ZNF469: variants seen among roughly 807,000 people sequenced by gnomAD.
ZNF469 encodes zinc finger protein 469.
A neutral mutation model predicts 1.0 loss-of-function variants in ZNF469; 1 was observed. That is an observed-to-expected ratio of 1.00 (90% confidence interval 0.35 to 4.73). The LOEUF is 4.73. Ranked by LOEUF, ZNF469 falls within the 30% of genes most tolerant of loss-of-function variation. The probability of loss-of-function intolerance (pLI) is 0.16; values close to 1 mark genes in which losing one functional copy is unlikely to be tolerated. For missense variants in ZNF469, 6,100 were observed against 5,356.3 expected, an observed-to-expected ratio of 1.14 and a Z score of -4.33; for synonymous variants, 2,703 against 2,363.4, an observed-to-expected ratio of 1.14 and a Z score of -4.17.
chr16:88,229,965 G>A, the ZNF469 span, among the ~76,000 whole-genome samples: 1 of 152,152 alleles, frequency 6.6e-6, no homozygotes, highest in South Asian at 2.1e-4. Flanking sequence ...CACTCTGGTT[G>A]GGTCTGGGAT....
At chr16:88,343,272 G>A in the ZNF469 span, among the ~76,000 whole-genome samples, 57 of 152,322 alleles carry the variant, frequency 3.7e-4, no homozygotes, top group African/African-American at 1.3e-3. Flanking sequence ...GTATGGGGTT[G>A]TATGGGGTTA....
chr16:88,377,177 G>T, the ZNF469 span, among the ~76,000 whole-genome samples: 3 of 152,236 alleles, frequency 2.0e-5, no homozygotes, highest in East Asian at 5.8e-4. Flanking sequence ...ATGGGGCAGG[G>T]GCACAGACCG....
the ZNF469 span, among the ~76,000 whole-genome samples, chr16:88,247,308 AGTG>A: frequency 1.1e-4 from 16 of 151,782 alleles, no homozygotes; most frequent in Non-Finnish European, 1.5e-4. Flanking sequence ...TGAGTGAGTG[AGTG>A]AATGAGTGAG....
chr16:88,155,107 G>A, the ZNF469 span, among the ~76,000 whole-genome samples: 3 of 152,190 alleles, frequency 2.0e-5, no homozygotes, highest in African/African-American at 4.8e-5. Flanking sequence ...CGCATTCCAT[G>A]GGGTACAGGG....
the ZNF469 span, among the ~76,000 whole-genome samples, chr16:88,318,569 G>A: frequency 6.6e-6 from 1 of 152,246 alleles, no homozygotes; most frequent in Non-Finnish European, 1.5e-5. Flanking sequence ...GAGTGGGGTG[G>A]GGGATCAAGA....
rs1348907837 is a variant in ZNF469 at position 88,424,767 on chromosome 16, C to G, written c.-191-40C>G. ...CTCGGGCTCTTGGTCCAGAGCCATG[C>G]ACCACATCGGCCCTGACATGCTTTC... On this transcript the variant is annotated intron_variant, in intron 1 of 2. Coordinates refer to ENST00000565624, the MANE Select transcript of ZNF469 (RefSeq NM_001367624.2). The surrounding 1 kb of genome is among the most constrained non-coding windows in gnomAD (Gnocchi z 4.3). 6.6e-6 allele frequency among the ~76,000 whole-genome samples: 1 copy of G among 152,156 alleles called. No homozygotes were observed. The highest frequency in any genetic ancestry group is 2.4e-5 in the African/African-American group (1 of 41,440).
upstream of ZNF469, among the ~76,000 whole-genome samples, chr16:88,381,049 CAG>C (rs1484065340): frequency 1.0e-4 from 15 of 149,642 alleles, no homozygotes; most frequent in African/African-American, 1.5e-4. Context: ...TGCACTCACA[CAG>C]ACACGCTCTC....
At chr16:88,287,992 C>G in the ZNF469 span, among the ~76,000 whole-genome samples, 17 of 152,074 alleles carry the variant, frequency 1.1e-4, no homozygotes, top group Non-Finnish European at 2.2e-4. Flanking sequence ...TTAATTCAAT[C>G]CCAAACTCAC....
the ZNF469 span, among the ~76,000 whole-genome samples, chr16:88,299,801 G>A: frequency 6.6e-6 from 1 of 152,238 alleles, no homozygotes; most frequent in Non-Finnish European, 1.5e-5. Context: ...TCAGGCCCAG[G>A]AGTTGCCTGA....
the ZNF469 span, among the ~76,000 whole-genome samples, chr16:88,109,247 C>T: frequency 2.6e-5 from 4 of 152,212 alleles, no homozygotes; most frequent in East Asian, 5.8e-4. Flanking sequence ...GAGGCCCCAA[C>T]AGTGAGACCT....
At chr16:88,193,195 GTGATGGTGGTGGGGA>G in the ZNF469 span, among the ~76,000 whole-genome samples, 1 of 89,500 alleles carries the variant, frequency 1.1e-5, no homozygotes, top group African/African-American at 4.2e-5. Flanking sequence ...GGTGGTGGTG[GTGATGGTGGTGGGGA>G]TGGTGGTGAT....
At chr16:88,246,931 GTGAA>G in the ZNF469 span, among the ~76,000 whole-genome samples, 4 of 152,026 alleles carry the variant, frequency 2.6e-5, no homozygotes, top group South Asian at 2.1e-4. Flanking sequence ...GAGTGAGTGA[GTGAA>G]TGAGTAAGTG....
intron 1 of ZNF469, among the ~76,000 whole-genome samples, chr16:88,406,323 G>A (rs1490894188): frequency 1.3e-5 from 2 of 152,200 alleles, no homozygotes; most frequent in Non-Finnish European, 2.9e-5. Context: ...TGTGTGTGTG[G>A]AATGTGTCTC....
chr16:88,209,831 C>T, the ZNF469 span, among the ~76,000 whole-genome samples: 3 of 152,312 alleles, frequency 2.0e-5, no homozygotes, highest in East Asian at 5.8e-4. Context: ...CCAGTTGTTT[C>T]TAATATTTTG....
chr16:88,390,534 AG>A (rs1175450345), intron 1 of ZNF469, among the ~76,000 whole-genome samples: 7 of 152,172 alleles, frequency 4.6e-5, no homozygotes, highest in African/African-American at 1.7e-4. Context: ...CACAACCTCC[AG>A]GGGGCCTCAG....
At chr16:88,160,243 G>A in the ZNF469 span, among the ~76,000 whole-genome samples, 1 of 152,240 alleles carries the variant, frequency 6.6e-6, no homozygotes, top group African/African-American at 2.4e-5. Flanking sequence ...GGAGCAAAGA[G>A]ACGGCAAATA....
chr16:88,283,930 T>A, the ZNF469 span, among the ~76,000 whole-genome samples: 2 of 131,378 alleles, frequency 1.5e-5, no homozygotes, highest in African/African-American at 5.8e-5. Flanking sequence ...GCCCGAGGTC[T>A]GCGGAGGCTG....
the ZNF469 span, among the ~76,000 whole-genome samples, chr16:88,194,110 A>T: frequency 1.3e-5 from 2 of 152,068 alleles, no homozygotes; most frequent in African/African-American, 2.4e-5. Context: ...TACTTGGTTT[A>T]TTCCCCCCTC....
the ZNF469 span, among the ~76,000 whole-genome samples, chr16:88,266,402 C>A: frequency 2.6e-5 from 4 of 152,246 alleles, no homozygotes; most frequent in African/African-American, 9.6e-5. Flanking sequence ...GACAGTACGG[C>A]CTGTCGTGCA....
Sources: allele counts gnomAD v4.1 joint callset (sites outside exome capture counted in the v4.1 genomes callset), GRCh38; gene constraint gnomAD v4.1.1; non-coding constraint Gnocchi (gnomAD v3.1); transcripts MANE v1.5; gene names NCBI Gene and HGNC (gene_info 2026-07-23, HGNC 2026-07-21).